PDE11A: variants seen among roughly 807,000 people sequenced by gnomAD.
PDE11A encodes phosphodiesterase 11A.
In PDE11A, 100 loss-of-function variants were observed where a neutral mutation model predicts 100.5. The observed-to-expected ratio is 1.00, with a 90% CI of 0.85 to 1.18. PDE11A has a LOEUF of 1.18. Among genes scored for constraint, PDE11A ranks in the 50% most tolerant of loss-of-function variants. The pLI is 0.00. For synonymous variants in PDE11A, 381 were observed against 420.8 expected, an observed-to-expected ratio of 0.91 and a Z score of 1.16; for missense variants, 1,141 against 1,152.6, an observed-to-expected ratio of 0.99 and a Z score of 0.15.
intron 15 of PDE11A, among the ~76,000 whole-genome samples, chr2:177,694,945 T>TAACA (rs2081088276): frequency 6.6e-6 from 1 of 152,142 alleles, no homozygotes; most frequent in Non-Finnish European, 1.5e-5. Flanking sequence ...CTGAGAATTC[T>TAACA]AACAACAGTT....
chr2:178,038,697 A>G (rs1410375679), intron 1 of PDE11A, among the ~76,000 whole-genome samples: 1 of 152,128 alleles, frequency 6.6e-6, no homozygotes, highest in Non-Finnish European at 1.5e-5. Context: ...CATACCAACC[A>G]TGAGTAGCCT....
At chr2:177,948,577 T>C (rs2085471184) in intron 2 of PDE11A, among the ~76,000 whole-genome samples, 1 of 152,238 alleles carries the variant, frequency 6.6e-6, no homozygotes, top group Admixed American at 6.5e-5. Flanking sequence ...GCCAATTTTC[T>C]GCTTATTTTT....
chr2:178,055,110 A>G (rs1316319879), intron 1 of PDE11A, among the ~76,000 whole-genome samples: 1 of 152,212 alleles, frequency 6.6e-6, no homozygotes, highest in Admixed American at 6.5e-5. Flanking sequence ...ATGTCCATCA[A>G]TGATAGACTG....
intron 14 of PDE11A, among the ~76,000 whole-genome samples, chr2:177,700,350 C>T (rs1035572361): frequency 6.7e-5 from 10 of 150,176 alleles, no homozygotes; most frequent in African/African-American, 1.7e-4. Context: ...TAATTAATGG[C>T]ACAGCTAGAG....
chr2:177,785,927 C>T (rs1457094137), intron 9 of PDE11A, among the ~76,000 whole-genome samples: 1 of 152,228 alleles, frequency 6.6e-6, no homozygotes, highest in East Asian at 1.9e-4. Context: ...AGGAGGCCTG[C>T]CTGCCTCTGT....
At chr2:177,633,720 G>A (rs1438807320) in intron 19 of PDE11A, among the ~76,000 whole-genome samples, 1 of 152,174 alleles carries the variant, frequency 6.6e-6, no homozygotes, top group Admixed American at 6.5e-5. Context: ...GTGTGAGGGA[G>A]CCACAACTGC....
At chr2:177,912,561 C>T (rs1367546243) in intron 2 of PDE11A, among the ~76,000 whole-genome samples, 2 of 152,076 alleles carry the variant, frequency 1.3e-5, no homozygotes, top group Non-Finnish European at 2.9e-5. Flanking sequence ...GGGAAATAAC[C>T]TTCTCATGTC....
At chr2:177,890,157 T>C (rs919801389) in intron 4 of PDE11A, among the ~76,000 whole-genome samples, 1 of 152,240 alleles carries the variant, frequency 6.6e-6, no homozygotes, top group Non-Finnish European at 1.5e-5. Flanking sequence ...ATGACATAGA[T>C]ATTTTTGTGT....
At chr2:177,888,281 G>A (rs2084473660) in intron 4 of PDE11A, among the ~76,000 whole-genome samples, 1 of 152,122 alleles carries the variant, frequency 6.6e-6, no homozygotes, top group Admixed American at 6.6e-5. Flanking sequence ...GATAGATACT[G>A]GTGCAGAAAT....
At chr2:177,925,288 C>G (rs1284904668) in intron 2 of PDE11A, among the ~76,000 whole-genome samples, 1 of 151,988 alleles carries the variant, frequency 6.6e-6, no homozygotes, top group Non-Finnish European at 1.5e-5. Context: ...AGTTCTAGAT[C>G]CCTGAGGAAT....
chr2:177,971,153 A>G (rs950538003), intron 2 of PDE11A, among the ~76,000 whole-genome samples: 5 of 152,234 alleles, frequency 3.3e-5, no homozygotes, highest in African/African-American at 9.6e-5. Flanking sequence ...TGCTGTATAG[A>G]AAAACCACTC....
In PDE11A at chr2:178,020,924, GGTGTGTGTGTGTGTGT is replaced by G. The variant is rs532087273; in HGVS notation, c.913-6480_913-6465del. Among the ~76,000 whole-genome samples, 236 of 125,790 alleles carry G rather than the reference GGTGTGTGTGTGTGTGT, an allele frequency of 1.9e-3. 3 individuals carry two copies. The Middle Eastern group carries it at 0.02, about 11-fold the overall frequency. 82.5% of individuals were successfully genotyped at this position (125,790 alleles called of 152,430 possible). On this transcript the variant is annotated intron_variant, in intron 1 of 19. Transcript: ENST00000286063. ...CTTTGTTTTTTTGTTTTTTTGTCTTGGTGTGTGTGTGTGTGTGTGTGTGTGTGTGTGTGTGTGTGTG... is the reference window on the plus strand; with the variant it reads ...CTTTGTTTTTTTGTTTTTTTGTCTTGGTGTGTGTGTGTGTGTGTGTGTGTG...
intron 9 of PDE11A, among the ~76,000 whole-genome samples, chr2:177,794,766 T>TTTTG (rs34096798): frequency 0.024 from 1,739 of 72,524 alleles, 16 homozygotes; most frequent in Middle Eastern, 0.038. Flanking sequence ...GGTGTCTGGT[T>TTTTG]TTTGTTTGTT....
At chr2:177,939,700 G>A (rs74855146) in intron 2 of PDE11A, among the ~76,000 whole-genome samples, 11,374 of 152,270 alleles carry the variant, frequency 0.075, 428 homozygotes, top group South Asian at 0.099. Flanking sequence ...ATTGTGGGAA[G>A]CATTACAGGG....
upstream of PDE11A, among the ~76,000 whole-genome samples, chr2:178,076,381 G>A (rs2105876209): frequency 6.6e-6 from 1 of 152,278 alleles, no homozygotes; most frequent in South Asian, 2.1e-4. Flanking sequence ...TGGGTGGCAG[G>A]CAAGATAACT....
chr2:177,858,004 TC>T (rs1388700854), intron 5 of PDE11A, among the ~76,000 whole-genome samples: 1 of 152,046 alleles, frequency 6.6e-6, no homozygotes, highest in Non-Finnish European at 1.5e-5. Context: ...ATTAAAGGAT[TC>T]CCTATTTAAT....
chr2:177,689,155 T>C (rs2081002587), intron 15 of PDE11A, among the ~76,000 whole-genome samples: 1 of 152,170 alleles, frequency 6.6e-6, no homozygotes, highest in African/African-American at 2.4e-5. Context: ...TGATCTCGGC[T>C]CACCGCAACC....
At chr2:177,776,954 A>C (rs1321441399) in intron 9 of PDE11A, among the ~76,000 whole-genome samples, 1 of 152,076 alleles carries the variant, frequency 6.6e-6, no homozygotes, top group Non-Finnish European at 1.5e-5. Context: ...CATGATAGTG[A>C]GTCCTCATGA....
At chr2:177,857,139 G>C (rs2083849566) in intron 5 of PDE11A, among the ~76,000 whole-genome samples, 1 of 151,828 alleles carries the variant, frequency 6.6e-6, no homozygotes, top group African/African-American at 2.4e-5. Flanking sequence ...GAAAACAGCT[G>C]AAAAATATAT....
Sources: gnomAD v4.1 joint callset for allele counts (sites outside exome capture counted in the v4.1 genomes callset) on GRCh38, gnomAD v4.1.1 for gene constraint, MANE v1.5 for transcripts, NCBI Gene and HGNC (gene_info 2026-07-23, HGNC 2026-07-21) for gene names.